The following NAA16 variants were observed in gnomAD, a reference collection of about 807,000 sequenced individuals.
The protein encoded by NAA16 is N-alpha-acetyltransferase 16, NatA auxiliary subunit.
NAA16 carries 97 observed loss-of-function variants against 110.3 expected under a neutral mutation model. The observed-to-expected ratio is 0.88, with a 90% CI of 0.75 to 1.04. The LOEUF is 1.04. Ranked by LOEUF, NAA16 falls within the 50% of genes least tolerant of loss-of-function variation. NAA16 has a pLI of 0.00. For synonymous variants in NAA16, 372 were observed against 330.6 expected (o/e 1.13, Z -1.36); for missense variants, 1,017 against 1,005.1 (o/e 1.01, Z -0.16).
chr13:41,339,493 T>G (rs2042476442), intron 9 of NAA16, among the ~76,000 whole-genome samples: 2 of 152,120 alleles, frequency 1.3e-5, no homozygotes, highest in Admixed American at 1.3e-4. Flanking sequence ...AAACTAGAGT[T>G]TGGGTAGAGT....
At chr13:41,325,999 C>T (rs2042084351) in intron 6 of NAA16, 148 bp downstream of exon 6, 1 of 556,338 alleles carries the variant, frequency 1.8e-6, no homozygotes, top group African/African-American at 1.9e-5. Flanking sequence ...TAGTTTAATC[C>T]TCATAACAAC....
intron 12 of NAA16, among the ~76,000 whole-genome samples, chr13:41,361,269 G>T (rs573085534): frequency 6.6e-6 from 1 of 152,306 alleles, no homozygotes; most frequent in South Asian, 2.1e-4. Flanking sequence ...AAGTAGAAGA[G>T]TTGTCATGAA....
At chr13:41,365,697 T>C (rs1016438147) in intron 13 of NAA16, among the ~76,000 whole-genome samples, 1 of 152,190 alleles carries the variant, frequency 6.6e-6, no homozygotes, top group African/African-American at 2.4e-5. Flanking sequence ...TCTGGCAAAC[T>C]AGGATAAGTT....
At chr13:41,338,313 G>A (rs1272425230) in intron 9 of NAA16, among the ~76,000 whole-genome samples, 1 of 152,168 alleles carries the variant, frequency 6.6e-6, no homozygotes, top group African/African-American at 2.4e-5. Context: ...TTCACAGGGT[G>A]TTGTTCATAG....
rs5803086 is a variant in NAA16 at position 41,327,458 on chromosome 13, T to TAA, written c.692-1256_692-1255dup. Among the ~76,000 whole-genome samples, 239 of 147,880 alleles carry TAA rather than the reference T, an allele frequency of 1.6e-3. 1 individual carries two copies. The highest frequency in any genetic ancestry group is 3.5e-3 in the Middle Eastern group (1 of 288). Reference sequence around the variant, plus strand: ...ATCCATATGTGAGATTATTTAATCTTAAAAAAAAAAACAAATAGGGAATGC... The same window carrying TAA: ...ATCCATATGTGAGATTATTTAATCTTAAAAAAAAAAAAACAAATAGGGAATGC... On this transcript the variant is annotated intron_variant, in intron 6 of 19. Coordinates refer to ENST00000379406, the MANE Select transcript of NAA16 (RefSeq NM_024561.5).
At chr13:41,320,868 A>T (rs773645986) in intron 4 of NAA16, 44 bp downstream of exon 4, 1 of 1,518,760 alleles carries the variant, frequency 6.6e-7, no homozygotes, top group East Asian at 2.3e-5. Flanking sequence ...ACAGTAGACA[A>T]AATTTAAGAG....
intron 6 of NAA16, among the ~76,000 whole-genome samples, 158 bp from the exon 7 acceptor site, chr13:41,328,566 A>G (rs940247052): frequency 6.6e-5 from 10 of 152,162 alleles, no homozygotes; most frequent in African/African-American, 2.4e-4. Context: ...TCTGAAGGCA[A>G]GCTATGCTTA....
intron 11 of NAA16, 44 bp from the exon 12 acceptor site, chr13:41,358,766 T>G (rs371287774): frequency 1.3e-6 from 2 of 1,534,086 alleles, no homozygotes; most frequent in Admixed American, 4.3e-5. Context: ...TGTACTCATA[T>G]TCTCTTGATT....
chr13:41,349,865 G>A (rs1307614850), intron 9 of NAA16, among the ~76,000 whole-genome samples: 1 of 151,906 alleles, frequency 6.6e-6, no homozygotes, highest in Admixed American at 6.6e-5. Flanking sequence ...GGAGGCTGAG[G>A]CAGGAGAATC....
intron 15 of NAA16, among the ~76,000 whole-genome samples, chr13:41,370,765 T>C (rs1337819605): frequency 6.6e-6 from 1 of 152,184 alleles, no homozygotes; most frequent in Non-Finnish European, 1.5e-5. Flanking sequence ...AACATGTCTT[T>C]AATTCAACCA....
chr13:41,373,955 G>A lies in NAA16; in HGVS notation c.2299+175G>A, dbSNP rs145508205. 7.6e-5 allele frequency: 77 copies of A among 1,016,502 alleles called. No homozygotes were observed. The East Asian group carries it at 2.7e-3, about 36-fold the overall frequency. The allele number at this position is 1,016,502 out of a possible 1,614,324, so 63.0% of individuals were successfully genotyped here. On this transcript the variant is annotated intron_variant, in intron 18 of 19. Transcript: ENST00000379406. ...AGGGGAAACAGGGATGGATTCACAG[G>A]ATGTAATACCAGATTTAAAGTGATG...
At chr13:41,355,455 A>G (rs2042956983) in intron 10 of NAA16, among the ~76,000 whole-genome samples, 1 of 152,140 alleles carries the variant, frequency 6.6e-6, no homozygotes. Context: ...TTTGAGACGG[A>G]GTCTCATCCT....
intron 17 of NAA16, chr13:41,373,242 T>G (rs534350684): frequency 2.1e-5 from 17 of 802,150 alleles, no homozygotes; most frequent in Non-Finnish European, 2.4e-5. Flanking sequence ...ATAATAAAGG[T>G]TTTTTGTTGT....
chr13:41,363,854 T>G (rs1248986673), intron 13 of NAA16, among the ~76,000 whole-genome samples: 1 of 152,136 alleles, frequency 6.6e-6, no homozygotes, highest in Non-Finnish European at 1.5e-5. Flanking sequence ...GAACCTACTC[T>G]TATACCAGTT....
chr13:41,332,129 A>G (rs541259198), intron 8 of NAA16, among the ~76,000 whole-genome samples: 1 of 151,894 alleles, frequency 6.6e-6, no homozygotes, highest in Non-Finnish European at 1.5e-5. Flanking sequence ...CAGTGGCGCA[A>G]TCACTGTAGC....
intron 1 of NAA16, among the ~76,000 whole-genome samples, chr13:41,315,133 G>A (rs903521644): frequency 1.3e-5 from 2 of 152,232 alleles, no homozygotes; most frequent in African/African-American, 4.8e-5. Context: ...TAACATGGTA[G>A]AGAATATGTT....
At chr13:41,341,109 G>A (rs1488493154) in intron 9 of NAA16, among the ~76,000 whole-genome samples, 3 of 152,182 alleles carry the variant, frequency 2.0e-5, no homozygotes, top group African/African-American at 2.4e-5. Context: ...AGTGCGATGT[G>A]GTGCTGAGAA....
At chr13:41,323,841 G>C (rs1425865537) in intron 5 of NAA16, among the ~76,000 whole-genome samples, 1 of 152,136 alleles carries the variant, frequency 6.6e-6, no homozygotes, top group Non-Finnish European at 1.5e-5. Flanking sequence ...TGATGGAGAT[G>C]GTGTGGATTG....
At chr13:41,336,476 G>A (rs1223877336) in intron 8 of NAA16, among the ~76,000 whole-genome samples, 174 bp from the exon 9 acceptor site, 1 of 152,184 alleles carries the variant, frequency 6.6e-6, no homozygotes, top group Admixed American at 6.5e-5. Flanking sequence ...ATTTGATATT[G>A]TGCTAAATTC....
Sources: allele counts gnomAD v4.1 joint callset (sites outside exome capture counted in the v4.1 genomes callset), GRCh38; gene constraint gnomAD v4.1.1; transcripts MANE v1.5; gene names NCBI Gene and HGNC (gene_info 2026-07-23, HGNC 2026-07-21).